DMC1: variants seen among roughly 807,000 people sequenced by gnomAD.
DMC1 encodes the protein meiotic recombination protein DMC1 homolog.
Under a neutral mutation model 50.1 loss-of-function variants are expected in DMC1, and 27 were observed. That is an observed-to-expected ratio of 0.54 (90% CI 0.40 to 0.74). The LOEUF (loss-of-function observed/expected upper bound fraction) is 0.74. Among genes scored for constraint, DMC1 ranks in the 30% least tolerant of loss-of-function variants. The pLI is 0.00. For missense variants in DMC1, 295 were observed against 420.2 expected, an observed-to-expected ratio of 0.70 and a Z score of 2.60; for synonymous variants, 148 against 136.1, an observed-to-expected ratio of 1.09 and a Z score of -0.61.
At chr22:38,533,183 G>A (rs1440168147) in intron 12 of DMC1, among the ~76,000 whole-genome samples, 1 of 151,842 alleles carries the variant, frequency 6.6e-6, no homozygotes, top group Non-Finnish European at 1.5e-5. Context: ...ACGAGGTCAG[G>A]AGATCGAGAC....
intron 5 of DMC1, among the ~76,000 whole-genome samples, chr22:38,557,542 C>G (rs911501817): frequency 1.3e-5 from 2 of 152,120 alleles, no homozygotes; most frequent in Non-Finnish European, 2.9e-5. Context: ...CCAGTCTCTA[C>G]AGAAAATACC....
At chr22:38,535,292 C>G (rs2090198519) in intron 12 of DMC1, among the ~76,000 whole-genome samples, 1 of 150,578 alleles carries the variant, frequency 6.6e-6, no homozygotes, top group Non-Finnish European at 1.5e-5. Flanking sequence ...GAGCGAGACT[C>G]CGTCTCAAAA....
chr22:38,516,881 A>C (rs1216376802), downstream of DMC1, among the ~76,000 whole-genome samples: 4 of 152,124 alleles, frequency 2.6e-5, no homozygotes. Context: ...GCTGGAGTAC[A>C]GTGGTGCCAT....
chr22:38,520,137 T>A (rs1317774053), intron 13 of DMC1, 48 bp from the exon 14 acceptor site: 1 of 1,437,858 alleles, frequency 7.0e-7, no homozygotes, highest in South Asian at 1.1e-5. Flanking sequence ...TCTATTTCTA[T>A]AAATACTATA....
chr22:38,520,616 C>A (rs900411942), intron 13 of DMC1, among the ~76,000 whole-genome samples: 1 of 152,056 alleles, frequency 6.6e-6, no homozygotes, highest in African/African-American at 2.4e-5. Flanking sequence ...CCTCGGCCTC[C>A]CAAAGTACTG....
At chr22:38,542,947 T>C (rs910530255) in intron 8 of DMC1, among the ~76,000 whole-genome samples, 3 of 152,150 alleles carry the variant, frequency 2.0e-5, no homozygotes, top group Non-Finnish European at 2.9e-5. Context: ...ATAACATACA[T>C]TGGAGAAAGG....
chr22:38,553,497 CAAAAAA>C (rs372645739), intron 6 of DMC1, among the ~76,000 whole-genome samples: 1 of 46,998 alleles, frequency 2.1e-5, no homozygotes, highest in Non-Finnish European at 4.4e-5. Context: ...GACTCCGTCT[CAAAAAA>C]AAAAAAAAAA....
intron 4 of DMC1, among the ~76,000 whole-genome samples, chr22:38,564,024 C>G (rs1241394482): frequency 6.6e-6 from 1 of 151,986 alleles, no homozygotes; most frequent in Non-Finnish European, 1.5e-5. Context: ...TAAAAATTAG[C>G]TGGACATGGT....
the DMC1 span, among the ~76,000 whole-genome samples, chr22:38,509,912 C>A: frequency 6.6e-6 from 1 of 152,058 alleles, no homozygotes; most frequent in South Asian, 2.1e-4. Context: ...AGTGATCCAC[C>A]CACCTTGGCC....
chr22:38,554,691 T>A (rs764395673), intron 6 of DMC1, among the ~76,000 whole-genome samples: 2 of 150,350 alleles, frequency 1.3e-5, no homozygotes, highest in East Asian at 2.0e-4. Flanking sequence ...AAAAAAAAAA[T>A]AGAGGATATA....
intron 8 of DMC1, among the ~76,000 whole-genome samples, chr22:38,547,859 T>C (rs2090361041): frequency 6.6e-6 from 1 of 152,092 alleles, no homozygotes; most frequent in African/African-American, 2.4e-5. Flanking sequence ...CATTGGTCAA[T>C]TTCATACTGC....
intron 8 of DMC1, among the ~76,000 whole-genome samples, chr22:38,544,422 CT>C (rs373830106): frequency 6.6e-6 from 1 of 152,284 alleles, no homozygotes; most frequent in Non-Finnish European, 1.5e-5. Flanking sequence ...AAGCCCACTC[CT>C]TGCTTTGCTT....
intron 5 of DMC1, among the ~76,000 whole-genome samples, chr22:38,560,084 G>A (rs2090510918): frequency 6.6e-6 from 1 of 151,910 alleles, no homozygotes; most frequent in Non-Finnish European, 1.5e-5. Context: ...TACATCAGAT[G>A]TTATTAAATG....
At chr22:38,540,014 A>G (rs2090262927) in intron 8 of DMC1, among the ~76,000 whole-genome samples, 1 of 152,214 alleles carries the variant, frequency 6.6e-6, no homozygotes, top group Non-Finnish European at 1.5e-5. Flanking sequence ...AGGTAACTTC[A>G]AGGGCCCAGA....
At chr22:38,543,588 G>A (rs1489005983) in intron 8 of DMC1, among the ~76,000 whole-genome samples, 3 of 152,182 alleles carry the variant, frequency 2.0e-5, no homozygotes, top group Non-Finnish European at 4.4e-5. Flanking sequence ...CAATGTATCA[G>A]TATGTTCAGC....
intron 12 of DMC1, among the ~76,000 whole-genome samples, chr22:38,525,341 G>A (rs530254329): frequency 7.2e-5 from 11 of 152,210 alleles, no homozygotes; most frequent in Admixed American, 5.9e-4. Context: ...TCTGACAGAG[G>A]CAAATATAAA....
the DMC1 span, among the ~76,000 whole-genome samples, chr22:38,512,646 T>C: frequency 1.3e-5 from 2 of 152,040 alleles, no homozygotes; most frequent in Non-Finnish European, 2.9e-5. Flanking sequence ...CCCACCCGAG[T>C]GTTAAGCAAG....
In DMC1 at chr22:38,566,666, CTTG is replaced by C. The variant is rs748935795; in HGVS notation, c.164_166del (p.Thr55del). ...TCCTTTGACATTGCATAGAGCTCTT[CTTG>C]TTGTCATCTGTATACCTTTGATGGT... On this transcript the variant is annotated inframe_deletion, in exon 4 of 14. Transcript: ENST00000216024. 1.2e-6 allele frequency: 2 copies of C among 1,613,690 alleles called. No individual in the cohort carries two copies. Among genetic ancestry groups the C allele is most frequent in the Non-Finnish European group, 1.7e-6 (2 of 1,179,686 alleles).
intron 13 of DMC1, 71 bp from the exon 14 acceptor site, chr22:38,520,160 G>A (rs2067713978): frequency 8.8e-6 from 11 of 1,256,662 alleles, no homozygotes; most frequent in South Asian, 6.0e-5. Context: ...CATGTCACAG[G>A]CATTATGTGC....
Sources: gnomAD v4.1 joint callset for allele counts (sites outside exome capture counted in the v4.1 genomes callset) on GRCh38, gnomAD v4.1.1 for gene constraint, MANE v1.5 for transcripts, NCBI Gene and HGNC (gene_info 2026-07-23, HGNC 2026-07-21) for gene names.